STK39: variants seen among roughly 807,000 people sequenced by gnomAD.
STK39 encodes STE20/SPS1-related proline-alanine-rich protein kinase.
In STK39, 20 loss-of-function variants were observed where a neutral mutation model predicts 77.8. The observed-to-expected ratio is 0.26, with a 90% CI of 0.18 to 0.37. The LOEUF (loss-of-function observed/expected upper bound fraction) is 0.37, where lower values mean the gene tolerates loss of function less well. Among genes scored for constraint, STK39 ranks in the 10% least tolerant of loss-of-function variants. The probability of loss-of-function intolerance (pLI) is 1.00; values close to 1 mark genes in which losing one functional copy is unlikely to be tolerated. For synonymous variants in STK39, 246 were observed against 234.1 expected (o/e 1.05, Z -0.47); for missense variants, 479 against 656.5 (o/e 0.73, Z 2.95).
At position 168,007,697 on chromosome 2, in the gene STK39, T is replaced by C. The variant is rs527260763; in HGVS notation, c.1498+4937A>G. The stretch of plus-strand genomic sequence containing the variant: ...ATATGGCCCTAAAGAAGGAGTGTCC[T>C]GGAAGAAGAGCAAGTTCAACAGCCG... On this transcript the variant is annotated intron_variant, in intron 16 of 17. Coordinates refer to ENST00000355999, the MANE Select transcript of STK39 (RefSeq NM_013233.3). Among the ~76,000 whole-genome samples the C allele has an allele frequency of 2.8e-4, 42 of 152,040 alleles. No individual in the cohort carries two copies. In the South Asian group the frequency reaches 5.8e-3, roughly 21 times the overall value.
intron 16 of STK39, among the ~76,000 whole-genome samples, chr2:167,977,414 C>T (rs547484602): frequency 1.6e-4 from 25 of 152,108 alleles, no homozygotes; most frequent in African/African-American, 6.0e-4. Flanking sequence ...AGGTGATGTA[C>T]TGGTAAGCTT....
intron 2 of STK39, among the ~76,000 whole-genome samples, chr2:168,174,790 A>G (rs1688914749): frequency 6.8e-6 from 1 of 146,698 alleles, no homozygotes; most frequent in African/African-American, 2.5e-5. Flanking sequence ...TGAGCCCAGG[A>G]GTTCGAGGGC....
At chr2:168,105,239 T>G (rs1045651060) in intron 10 of STK39, among the ~76,000 whole-genome samples, 4 of 152,204 alleles carry the variant, frequency 2.6e-5, no homozygotes, top group Non-Finnish European at 5.9e-5. Context: ...GAGAACTCAG[T>G]CCACCATACT....
intron 10 of STK39, among the ~76,000 whole-genome samples, chr2:168,094,597 C>T (rs952099843): frequency 6.6e-6 from 1 of 152,178 alleles, no homozygotes; most frequent in Non-Finnish European, 1.5e-5. Context: ...CACCTCTCTG[C>T]AGCATTCAGA....
intron 14 of STK39, among the ~76,000 whole-genome samples, chr2:168,056,651 A>G (rs1352779198): frequency 2.6e-5 from 4 of 152,226 alleles, no homozygotes; most frequent in Admixed American, 2.6e-4. Context: ...GTGAGGGCAT[A>G]TACAAATATA....
Position 168,182,093 on chromosome 2 carries a change from G to A in STK39, c.209-3C>T. ...AACCACAGCAGTAGCTCCACTGCCT[G>A]CAATGAAATAAAAACAACATCAGCG... On this transcript the variant is annotated splice_polypyrimidine_tract_variant and splice_region_variant and intron_variant, in intron 1 of 17. Transcript: ENST00000355999. 6.2e-7 allele frequency: 1 copy of A among 1,611,992 alleles called. No homozygotes were observed. The highest frequency in any genetic ancestry group is 8.5e-7 in the Non-Finnish European group (1 of 1,178,218).
intron 14 of STK39, among the ~76,000 whole-genome samples, chr2:168,059,137 T>C (rs774519039): frequency 2.0e-5 from 3 of 152,210 alleles, no homozygotes; most frequent in South Asian, 2.1e-4. Flanking sequence ...TCACTTCCAA[T>C]AGGGGTCTGT....
At chr2:168,166,211 G>T (rs1158179600) in intron 3 of STK39, among the ~76,000 whole-genome samples, 1 of 152,174 alleles carries the variant, frequency 6.6e-6, no homozygotes, top group Non-Finnish European at 1.5e-5. Context: ...GGTGACACAG[G>T]CCATTCAGGG....
intron 1 of STK39, among the ~76,000 whole-genome samples, chr2:168,186,319 A>G (rs534040721): frequency 6.6e-6 from 1 of 152,308 alleles, no homozygotes; most frequent in African/African-American, 2.4e-5. Context: ...CTGTTGTTTA[A>G]GCCACTCAGT....
chr2:168,182,848 T>C (rs1689117884), intron 1 of STK39, among the ~76,000 whole-genome samples: 1 of 152,130 alleles, frequency 6.6e-6, no homozygotes. Context: ...GGCATCTCAA[T>C]TCTGCAAATA....
intron 12 of STK39, among the ~76,000 whole-genome samples, chr2:168,069,429 A>G (rs1685882540): frequency 6.6e-6 from 1 of 152,264 alleles, no homozygotes; most frequent in Admixed American, 6.5e-5. Flanking sequence ...GATTCTTGAT[A>G]ACAAAACTTT....
chr2:168,146,761 GA>G (rs2105546940), intron 5 of STK39, among the ~76,000 whole-genome samples: 1 of 152,256 alleles, frequency 6.6e-6, no homozygotes, highest in African/African-American at 2.4e-5. Context: ...TTCAAGAAAG[GA>G]AAAAGACTAG....
chr2:168,041,385 C>T (rs1183224421), intron 14 of STK39, among the ~76,000 whole-genome samples: 1 of 151,754 alleles, frequency 6.6e-6, no homozygotes, highest in Non-Finnish European at 1.5e-5. Flanking sequence ...AAGTAATTTG[C>T]CCAGGCTAAT....
At chr2:168,075,833 T>C (rs1686064439) in intron 10 of STK39, among the ~76,000 whole-genome samples, 4 of 152,168 alleles carry the variant, frequency 2.6e-5, no homozygotes, top group Admixed American at 1.3e-4. Context: ...TAACACACTT[T>C]GTAGCACTTA....
At chr2:167,997,963 A>G (rs1160849814) in intron 16 of STK39, among the ~76,000 whole-genome samples, 2 of 152,220 alleles carry the variant, frequency 1.3e-5, no homozygotes, top group Admixed American at 1.3e-4. Flanking sequence ...ATTGTGGGGG[A>G]TGTTATTTAA....
chr2:168,247,533 C>A lies in STK39; in HGVS notation c.-98G>T. 1.0e-6 allele frequency: 1 copy of A among 985,490 alleles called. No homozygotes were observed. The highest frequency in any genetic ancestry group is 3.2e-5 in the South Asian group (1 of 31,714). 61.0% of individuals were successfully genotyped at this position (985,490 alleles called of 1,614,324 possible). A position where few individuals can be genotyped will look rare whatever the true frequency, so the allele number is the denominator to read the frequency against. On this transcript the variant is annotated 5_prime_UTR_variant, in exon 1 of 18. Coordinates refer to ENST00000355999, the MANE Select transcript of STK39 (RefSeq NM_013233.3). ...CCGCCGACACCTCTCGGCCGGCGCA[C>A]GCCCTCCCCGCCCGCCGCCGCCGCC... is the stretch of plus-strand genomic sequence containing the variant.
At chr2:168,115,167 A>C (rs1261511193) in intron 10 of STK39, among the ~76,000 whole-genome samples, 1 of 152,220 alleles carries the variant, frequency 6.6e-6, no homozygotes, top group African/African-American at 2.4e-5. Flanking sequence ...TCTACAAAAC[A>C]GCTAACTGTA....
intron 14 of STK39, among the ~76,000 whole-genome samples, chr2:168,032,249 C>T (rs997605477): frequency 3.3e-5 from 5 of 152,114 alleles, no homozygotes; most frequent in South Asian, 2.1e-4. Context: ...AAACACATGC[C>T]GTGTGATTAT....
At chr2:167,957,009 A>T (rs1441651525) in intron 17 of STK39, among the ~76,000 whole-genome samples, 3 of 151,626 alleles carry the variant, frequency 2.0e-5, no homozygotes, top group Non-Finnish European at 2.9e-5. Context: ...AATATGTACT[A>T]TACTGTTTTT....
Sources: gnomAD v4.1 joint callset for allele counts (sites outside exome capture counted in the v4.1 genomes callset) on GRCh38, gnomAD v4.1.1 for gene constraint, MANE v1.5 for transcripts, NCBI Gene and HGNC (gene_info 2026-07-23, HGNC 2026-07-21) for gene names.